The following PRR16 variants were observed in gnomAD, a reference collection of about 807,000 sequenced individuals.
The protein encoded by PRR16 is protein Largen.
PRR16 carries 6 observed loss-of-function variants against 18.2 expected under a neutral mutation model. The observed-to-expected ratio is 0.33, with a 90% confidence interval of 0.18 to 0.65. The LOEUF is 0.65. Among genes scored for constraint, PRR16 ranks in the 30% least tolerant of loss-of-function variants. PRR16 has a pLI of 0.74. For synonymous variants in PRR16, 151 were observed against 147.8 expected, an observed-to-expected ratio of 1.02 and a Z score of -0.16; for missense variants, 412 against 376.6, an observed-to-expected ratio of 1.09 and a Z score of -0.78.
chr5:120,769,165 C>A, the PRR16 span, among the ~76,000 whole-genome samples: 1 of 151,332 alleles, frequency 6.6e-6, no homozygotes, highest in African/African-American at 2.4e-5. Flanking sequence ...GTCCTCGGAA[C>A]AACACTTCTA....
At chr5:120,749,656 G>A in the PRR16 span, among the ~76,000 whole-genome samples, 2 of 152,006 alleles carry the variant, frequency 1.3e-5, no homozygotes, top group African/African-American at 4.8e-5. Flanking sequence ...CATCCATAAT[G>A]CAAAATAATT....
intron 1 of PRR16, among the ~76,000 whole-genome samples, chr5:120,474,131 G>A (rs939171324): frequency 2.0e-5 from 3 of 152,120 alleles, no homozygotes; most frequent in Admixed American, 2.0e-4. Context: ...ATAGATATGG[G>A]GGACATGTCT....
At chr5:120,704,636 T>G in the PRR16 span, among the ~76,000 whole-genome samples, 1 of 152,172 alleles carries the variant, frequency 6.6e-6, no homozygotes, top group African/African-American at 2.4e-5. Context: ...TCAGAATCAC[T>G]TGGGAAGCTT....
chr5:120,792,977 A>ATGTTG, the PRR16 span, among the ~76,000 whole-genome samples: 1,598 of 152,178 alleles, frequency 0.011, 22 homozygotes, highest in Non-Finnish European at 0.014. Flanking sequence ...ACATGGTGAA[A>ATGTTG]TCCTGTCTCT....
intron 1 of PRR16, among the ~76,000 whole-genome samples, chr5:120,534,735 C>T (rs1751660985): frequency 6.6e-6 from 1 of 152,088 alleles, no homozygotes; most frequent in African/African-American, 2.4e-5. Flanking sequence ...TAAAACAGAT[C>T]TTTATAATGT....
the PRR16 span, among the ~76,000 whole-genome samples, chr5:120,772,806 G>T: frequency 6.6e-6 from 1 of 151,988 alleles, no homozygotes; most frequent in African/African-American, 2.4e-5. Context: ...CTAAATATTT[G>T]TTTTAATAGC....
chr5:120,653,901 T>C (rs1381661599), intron 1 of PRR16, among the ~76,000 whole-genome samples: 2 of 151,950 alleles, frequency 1.3e-5, no homozygotes, highest in African/African-American at 4.8e-5. Context: ...ACTATCTGGA[T>C]AAAAATCTAA....
intron 1 of PRR16, among the ~76,000 whole-genome samples, chr5:120,592,507 A>C (rs756737718): frequency 2.0e-5 from 3 of 152,204 alleles, no homozygotes; most frequent in Non-Finnish European, 2.9e-5. Flanking sequence ...AATTTTTTAT[A>C]TCATGAATTT....
the PRR16 span, among the ~76,000 whole-genome samples, chr5:120,702,860 C>T: frequency 6.6e-6 from 1 of 152,076 alleles, no homozygotes; most frequent in Non-Finnish European, 1.5e-5. Context: ...GGTCTGAGGA[C>T]CTGAGGTTGT....
chr5:120,655,278 A>G lies in PRR16; in HGVS notation c.160-30676A>G, dbSNP rs553419040. On this transcript the variant is annotated intron_variant, in intron 1 of 1. Coordinates refer to ENST00000407149, the MANE Select transcript of PRR16 (RefSeq NM_001300783.2). ...TGTGTATATTAGCTGATAGACATTA[A>G]GTCTATAAAATTTACCTGTACAAAT... Among the ~76,000 whole-genome samples, 5 of 151,870 alleles carry G rather than the reference A, an allele frequency of 3.3e-5. No homozygotes were observed. In the East Asian group the frequency reaches 5.8e-4, roughly 18 times the overall value.
At chr5:120,665,938 T>C (rs1421578188) in intron 1 of PRR16, among the ~76,000 whole-genome samples, 3 of 151,978 alleles carry the variant, frequency 2.0e-5, no homozygotes, top group East Asian at 3.9e-4. Flanking sequence ...CTTGGCAATG[T>C]GGGCTCTTTT....
At chr5:120,786,221 G>A in the PRR16 span, among the ~76,000 whole-genome samples, 2 of 151,098 alleles carry the variant, frequency 1.3e-5, no homozygotes, top group Admixed American at 6.6e-5. Flanking sequence ...TGAATAGAGG[G>A]ATAGCAAAAC....
chr5:120,672,246 G>A (rs1473360178), intron 1 of PRR16, among the ~76,000 whole-genome samples: 1 of 146,410 alleles, frequency 6.8e-6, no homozygotes, highest in East Asian at 2.0e-4. Context: ...GTCTGTGTGT[G>A]TGTGTGTGTG....
At chr5:120,762,844 T>C in the PRR16 span, among the ~76,000 whole-genome samples, 2 of 152,182 alleles carry the variant, frequency 1.3e-5, no homozygotes, top group African/African-American at 4.8e-5. Flanking sequence ...AGCCATAATA[T>C]TTTTGCCAAT....
At chr5:120,491,647 G>A (rs1227710967) in intron 1 of PRR16, among the ~76,000 whole-genome samples, 1 of 151,922 alleles carries the variant, frequency 6.6e-6, no homozygotes, top group African/African-American at 2.4e-5. Flanking sequence ...AGGTTCAAGC[G>A]ATTCTCCTGC....
intron 1 of PRR16, among the ~76,000 whole-genome samples, chr5:120,519,342 G>A (rs541479238): frequency 2.0e-5 from 3 of 152,162 alleles, no homozygotes; most frequent in South Asian, 4.1e-4. Flanking sequence ...TATAAAAAAT[G>A]ATATTCTGTA....
intron 1 of PRR16, among the ~76,000 whole-genome samples, chr5:120,532,471 T>G (rs1751582921): frequency 6.6e-6 from 1 of 152,060 alleles, no homozygotes; most frequent in Non-Finnish European, 1.5e-5. Context: ...TACACTCCTT[T>G]ATAGAGATAA....
the PRR16 span, among the ~76,000 whole-genome samples, chr5:120,733,282 C>T: frequency 6.6e-6 from 1 of 152,182 alleles, no homozygotes; most frequent in South Asian, 2.1e-4. Flanking sequence ...TCCTGAGTTG[C>T]TGGAACTACA....
At chr5:120,725,504 A>C in the PRR16 span, among the ~76,000 whole-genome samples, 1 of 151,688 alleles carries the variant, frequency 6.6e-6, no homozygotes, top group African/African-American at 2.4e-5. Context: ...ACAAAATTAA[A>C]ACACACACAC....
Sources: gnomAD v4.1 joint callset for allele counts (sites outside exome capture counted in the v4.1 genomes callset) on GRCh38, gnomAD v4.1.1 for gene constraint, MANE v1.5 for transcripts, NCBI Gene and HGNC (gene_info 2026-07-23, HGNC 2026-07-21) for gene names.